The following PAQR5 variants were observed in gnomAD, a reference collection of about 807,000 sequenced individuals.
PAQR5 encodes the protein progestin and adipoQ receptor family member 5.
Under a neutral mutation model 34.5 loss-of-function variants are expected in PAQR5, and 20 were observed. The observed-to-expected ratio is 0.58, with a 90% CI of 0.41 to 0.84. The LOEUF (loss-of-function observed/expected upper bound fraction) is 0.84. PAQR5 is among the 40% of genes least tolerant of loss of function. PAQR5 has a pLI of 0.00. For synonymous variants in PAQR5, 131 were observed against 155.6 expected (o/e 0.84, Z 1.18); for missense variants, 378 against 412.7 (o/e 0.92, Z 0.73).
intron 1 of PAQR5, among the ~76,000 whole-genome samples, chr15:69,303,475 G>C (rs1329428005): frequency 2.6e-5 from 4 of 152,144 alleles, no homozygotes; most frequent in African/African-American, 9.6e-5. Flanking sequence ...GCTCTCCCAA[G>C]GCAGCCAATT....
At chr15:69,360,568 G>A (rs1357982070) in intron 3 of PAQR5, among the ~76,000 whole-genome samples, 2 of 152,182 alleles carry the variant, frequency 1.3e-5, no homozygotes, top group African/African-American at 4.8e-5. Context: ...GGGGCGATGG[G>A]GAGGGTTGTT....
At chr15:69,334,419 T>C (rs906535115) in intron 1 of PAQR5, among the ~76,000 whole-genome samples, 2 of 152,216 alleles carry the variant, frequency 1.3e-5, no homozygotes, top group Non-Finnish European at 2.9e-5. Context: ...GGTATCAGAT[T>C]TGCTAAATGC....
At chr15:69,318,663 AG>A (rs1306438654) in intron 1 of PAQR5, among the ~76,000 whole-genome samples, 2 of 151,942 alleles carry the variant, frequency 1.3e-5, no homozygotes, top group East Asian at 3.9e-4. Flanking sequence ...CTTATCTGCA[AG>A]GGAGGTAGTT....
chr15:69,316,617 A>G (rs2053957487), intron 1 of PAQR5, among the ~76,000 whole-genome samples: 1 of 152,200 alleles, frequency 6.6e-6, no homozygotes, highest in African/African-American at 2.4e-5. Flanking sequence ...GGGACAGGCC[A>G]GAGAAGGCAT....
intron 2 of PAQR5, among the ~76,000 whole-genome samples, chr15:69,338,341 G>T (rs532540768): frequency 3.3e-5 from 5 of 152,328 alleles, no homozygotes; most frequent in African/African-American, 1.2e-4. Flanking sequence ...TGGGTTAGAA[G>T]TCCCCAAGCT....
At chr15:69,371,132 G>A (rs2055549588) in intron 3 of PAQR5, among the ~76,000 whole-genome samples, 2 of 152,088 alleles carry the variant, frequency 1.3e-5, no homozygotes, top group South Asian at 4.1e-4. Context: ...CTATTCCTGA[G>A]TCATTGTAGT....
Position 69,386,601 on chromosome 15 carries a change from G to C in PAQR5, c.385+1719G>C, listed in dbSNP as rs567607982. Among the ~76,000 whole-genome samples, 221 of 100,474 alleles carry C rather than the reference G, an allele frequency of 2.2e-3. 1 individual carries two copies. The highest frequency in any genetic ancestry group is 7.8e-3 in the African/African-American group (207 of 26,524). The allele number at this position is 100,474 out of a possible 152,430, so 65.9% of individuals were successfully genotyped here. On this transcript the variant is annotated intron_variant, in intron 5 of 8. Coordinates refer to ENST00000395407, the MANE Select transcript of PAQR5 (RefSeq NM_017705.4). The stretch of plus-strand genomic sequence containing the variant: ...CCTCCCGGATTCCCTCCCACCCTCC[G>C]GATCCCCTCTTACCCTCCATGTCCC...
In PAQR5 at chr15:69,372,833, G is replaced by C. The variant is rs185182885; in HGVS notation, c.52-7050G>C. 3.3e-5 allele frequency among the ~76,000 whole-genome samples: 5 copies of C among 152,232 alleles called. No individual in the cohort carries two copies. The East Asian group carries it at 9.6e-4, about 29-fold the overall frequency. On this transcript the variant is annotated intron_variant, in intron 3 of 8. Coordinates refer to ENST00000395407, the MANE Select transcript of PAQR5 (RefSeq NM_017705.4). ...CACTAAGAGTACTTCTGGATTTTCGGTGAAATTCTGATCTTGCATTAGTTT... is the reference window on the plus strand; with the variant it reads ...CACTAAGAGTACTTCTGGATTTTCGCTGAAATTCTGATCTTGCATTAGTTT...
chr15:69,319,150 AATATATACATATAT>A (rs2054023633), intron 1 of PAQR5, among the ~76,000 whole-genome samples: 1 of 96,772 alleles, frequency 1.0e-5, no homozygotes, highest in African/African-American at 4.6e-5. Context: ...TATATATATA[AATATATACATATAT>A]ATATATATAT....
intron 1 of PAQR5, among the ~76,000 whole-genome samples, chr15:69,322,757 A>AGAAGAAGAAGAG (rs2054141112): frequency 7.1e-5 from 2 of 28,354 alleles, no homozygotes; most frequent in Non-Finnish European, 7.9e-5. Flanking sequence ...AAGAAGAAGA[A>AGAAGAAGAAGAG]GAAGAAGAAG....
chr15:69,330,757 C>T (rs1032648226), intron 1 of PAQR5, among the ~76,000 whole-genome samples: 2 of 152,230 alleles, frequency 1.3e-5, no homozygotes, highest in Non-Finnish European at 2.9e-5. Flanking sequence ...AATGATAAAA[C>T]TCCAGTCTCC....
rs71803465 is a variant in PAQR5, at chr15:69,365,046, AATTTTATTTTATTTTATTTT to A, written c.51+4965_51+4984del. Among the ~76,000 whole-genome samples the A allele has an allele frequency of 2.6e-3, 344 of 132,042 alleles. 5 individuals are homozygous for A. The highest frequency in any genetic ancestry group is 0.012 in the Middle Eastern group (3 of 254). 86.6% of individuals were successfully genotyped at this position (132,042 alleles called of 152,430 possible). On this transcript the variant is annotated intron_variant, in intron 3 of 8. Coordinates refer to ENST00000395407, the MANE Select transcript of PAQR5 (RefSeq NM_017705.4). Reference sequence around the variant, plus strand: ...CCACCGCATCTGGCCTTCCCTTATGAATTTTATTTTATTTTATTTTATTTTATTTTATTTTATTTTATTTT... The same window carrying A: ...CCACCGCATCTGGCCTTCCCTTATGAATTTTATTTTATTTTATTTTATTTT...
intron 1 of PAQR5, among the ~76,000 whole-genome samples, chr15:69,312,257 T>A (rs1193889855): frequency 6.6e-6 from 1 of 152,138 alleles, no homozygotes; most frequent in Non-Finnish European, 1.5e-5. Context: ...AGCCTGCAGA[T>A]GCTTTTTGAA....
At chr15:69,391,055 G>A (rs534452014) in intron 6 of PAQR5, 1 of 152,608 alleles carries the variant, frequency 6.6e-6, no homozygotes, top group African/African-American at 2.4e-5. Context: ...TTTCGTGCTG[G>A]TCAGGAAAGG....
chr15:69,359,808 G>A, intron 2 of PAQR5, 158 bp from the exon 3 acceptor site: 2 of 388,982 alleles, frequency 5.1e-6, no homozygotes, highest in Non-Finnish European at 9.3e-6. Context: ...TGGAGTGGAT[G>A]ACTCAGCAGT....
chr15:69,312,554 A>G lies in PAQR5; in HGVS notation c.-277+13498A>G, dbSNP rs1273856672. ...TTCTGCTTGTCACAGCAGCGGGGGA[A>G]CTTCGCTCCCATCTGAAGTGAGCCT... On this transcript the variant is annotated intron_variant, in intron 1 of 8. Coordinates refer to ENST00000395407, the MANE Select transcript of PAQR5 (RefSeq NM_017705.4). Among the ~76,000 whole-genome samples the G allele has an allele frequency of 8.6e-5, 13 of 151,254 alleles. No homozygotes were observed. The South Asian group carries it at 1.0e-3, about 12-fold the overall frequency.
intron 3 of PAQR5, among the ~76,000 whole-genome samples, chr15:69,372,407 G>T (rs2055587874): frequency 6.6e-6 from 1 of 152,154 alleles, no homozygotes; most frequent in Admixed American, 6.5e-5. Flanking sequence ...ACTGGGCATG[G>T]TGGCACATGC....
chr15:69,337,448 T>C lies in PAQR5; in HGVS notation c.-169T>C, dbSNP rs1185135492. 6.6e-6 allele frequency: 1 copy of C among 152,274 alleles called. No individual in the cohort carries two copies. Among genetic ancestry groups the C allele is most frequent in the African/African-American group, 2.4e-5 (1 of 41,460 alleles). 9.4% of individuals were successfully genotyped at this position (152,274 alleles called of 1,614,324 possible). ...GAGCCAATTAAAGCCCTTTGGGGAA[T>C]CTGGCCTCATACCTTGTCCACACAG... On this transcript the variant is annotated 5_prime_UTR_variant, in exon 2 of 9. Transcript: ENST00000395407.
rs1390724194 is a variant in PAQR5 at position 69,337,410 on chromosome 15, A to T, written c.-207A>T. On this transcript the variant is annotated 5_prime_UTR_variant, in exon 2 of 9. Coordinates refer to ENST00000395407, the MANE Select transcript of PAQR5 (RefSeq NM_017705.4). ...AATGGCATGCTTCCTTTAAAGATGA[A>T]AGTTGACTTTTAGAGCCAATTAAAG... 1.3e-5 allele frequency: 2 copies of T among 152,264 alleles called. No individual in the cohort carries two copies. The highest frequency in any genetic ancestry group is 4.8e-5 in the African/African-American group (2 of 41,460). 9.4% of individuals were successfully genotyped at this position (152,264 alleles called of 1,614,324 possible). A position where few individuals can be genotyped will look rare whatever the true frequency, so the allele number is the denominator to read the frequency against.
Sources: allele counts gnomAD v4.1 joint callset (sites outside exome capture counted in the v4.1 genomes callset), GRCh38; gene constraint gnomAD v4.1.1; transcripts MANE v1.5; gene names NCBI Gene and HGNC (gene_info 2026-07-23, HGNC 2026-07-21).